Variants in PTGFRN observed in about 807,000 individuals in gnomAD.
The protein encoded by PTGFRN is prostaglandin F2 receptor inhibitor.
In PTGFRN, 35 loss-of-function variants were observed where a neutral mutation model predicts 83.2. The observed-to-expected ratio is 0.42, with a 90% CI of 0.32 to 0.56. PTGFRN has a LOEUF of 0.56. Among genes scored for constraint, PTGFRN ranks in the 20% least tolerant of loss-of-function variants. PTGFRN has a pLI of 0.11. For synonymous variants in PTGFRN, 519 were observed against 498.6 expected, an observed-to-expected ratio of 1.04 and a Z score of -0.55; for missense variants, 1,051 against 1,179.5, an observed-to-expected ratio of 0.89 and a Z score of 1.60.
At chr1:116,924,645 TCA>T (rs1455985832) in intron 1 of PTGFRN, among the ~76,000 whole-genome samples, 3 of 152,206 alleles carry the variant, frequency 2.0e-5, no homozygotes, top group Admixed American at 1.3e-4. Flanking sequence ...ACGCTGTGTG[TCA>T]CAGTTGCCCC....
intron 1 of PTGFRN, among the ~76,000 whole-genome samples, chr1:116,917,984 G>A (rs991209022): frequency 6.6e-6 from 1 of 152,118 alleles, no homozygotes; most frequent in African/African-American, 2.4e-5. Flanking sequence ...CTTCTGTGTT[G>A]ATTGGTGGAA....
At chr1:116,921,756 GTGTTTT>G (rs1324236532) in intron 1 of PTGFRN, among the ~76,000 whole-genome samples, 1 of 152,118 alleles carries the variant, frequency 6.6e-6, no homozygotes, top group Admixed American at 6.5e-5. Context: ...TGGATCATAG[GTGTTTT>G]TTAAAGGCTT....
intron 1 of PTGFRN, among the ~76,000 whole-genome samples, chr1:116,926,837 A>C (rs1649671142): frequency 1.3e-5 from 2 of 152,196 alleles, no homozygotes; most frequent in African/African-American, 4.8e-5. Context: ...GACCTTACAC[A>C]ATTATGGAAG....
At chr1:116,913,110 G>C (rs916328343) in intron 1 of PTGFRN, among the ~76,000 whole-genome samples, 1 of 152,222 alleles carries the variant, frequency 6.6e-6, no homozygotes, top group Admixed American at 6.5e-5. Context: ...CTCCCTGAGC[G>C]GCTGGTGGGT....
At chr1:116,964,194 T>C (rs1390066020) in intron 5 of PTGFRN, among the ~76,000 whole-genome samples, 1 of 152,248 alleles carries the variant, frequency 6.6e-6, no homozygotes, top group African/African-American at 2.4e-5. Flanking sequence ...TTGACGTATA[T>C]ATACTCAGTG....
chr1:116,940,793 A>G (rs1364110537), intron 1 of PTGFRN, among the ~76,000 whole-genome samples: 1 of 152,322 alleles, frequency 6.6e-6, no homozygotes, highest in Non-Finnish European at 1.5e-5. Flanking sequence ...TGTTATTGCA[A>G]GAACATCACA....
chr1:116,912,128 A>G (rs573407647), intron 1 of PTGFRN, among the ~76,000 whole-genome samples: 4 of 152,314 alleles, frequency 2.6e-5, no homozygotes, highest in Admixed American at 2.6e-4. Flanking sequence ...GGGCAAAGAG[A>G]GACTGACAAA....
In PTGFRN at chr1:116,927,957, A is replaced by G. The variant is rs1042281092; in HGVS notation, c.50-13758A>G. ...GTTTGATTTGGAGAACATGCGTATGAAGGCTGAAAGAAGATTTCCAGATAT... is the reference window on the plus strand; with the variant it reads ...GTTTGATTTGGAGAACATGCGTATGGAGGCTGAAAGAAGATTTCCAGATAT... On this transcript the variant is annotated intron_variant, in intron 1 of 8. Coordinates refer to ENST00000393203, the MANE Select transcript of PTGFRN (RefSeq NM_020440.4). Among the ~76,000 whole-genome samples, 9 of 152,316 alleles carry G rather than the reference A, an allele frequency of 5.9e-5. No individual in the cohort carries two copies. In the East Asian group the frequency reaches 1.7e-3, roughly 29 times the overall value.
chr1:116,974,657 C>T (rs534591393), intron 7 of PTGFRN, among the ~76,000 whole-genome samples: 50 of 152,248 alleles, frequency 3.3e-4, no homozygotes, highest in African/African-American at 1.1e-3. Context: ...TTTATTCATT[C>T]AGATATTTAT....
intron 1 of PTGFRN, among the ~76,000 whole-genome samples, chr1:116,930,823 C>T (rs769406410): frequency 6.6e-6 from 1 of 152,166 alleles, no homozygotes; most frequent in Non-Finnish European, 1.5e-5. Flanking sequence ...GCCTGTGTCC[C>T]CCGTGGCCCC....
At position 116,953,464 on chromosome 1, in the gene PTGFRN, G is replaced by T. The variant is rs1396683894; in HGVS notation, c.1213+3892G>T. On this transcript the variant is annotated intron_variant, in intron 4 of 8. Transcript: ENST00000393203. The stretch of plus-strand genomic sequence containing the variant: ...GTCCTCCTTCTAGGTATGTTGCCTC[G>T]GGTGTGTCGATGAACATTTCCAAGT... Among the ~76,000 whole-genome samples the T allele has an allele frequency of 3.9e-5, 6 of 152,194 alleles. No homozygotes were observed. In the South Asian group the frequency reaches 6.2e-4, roughly 16 times the overall value.
chr1:116,910,225 C>G lies in PTGFRN; in HGVS notation c.22C>G (p.Pro8Ala). Residue 8 changes from proline (P) to alanine (A), a missense_variant, in exon 1 of 9, where the codon CCG (proline) becomes GCG (alanine). This residue lies in a region of PTGFRN where 127 missense variants were observed against 168.4 expected (regional missense o/e 0.75). Transcript: ENST00000393203. ...GAGCATGGGGCGCCTGGCCTCGAGG[C>G]CGCTGCTGCTGGCGCTCCTGTCGTT... MGRLASR[P>A]LLLALLSLAL... The G allele has an allele frequency of 6.9e-7, 1 of 1,457,290 alleles. No individual in the cohort carries two copies. Among genetic ancestry groups the G allele is most frequent in the Non-Finnish European group, 9.0e-7 (1 of 1,111,500 alleles). 90.3% of individuals were successfully genotyped at this position (1,457,290 alleles called of 1,614,324 possible).
intron 1 of PTGFRN, among the ~76,000 whole-genome samples, chr1:116,910,792 A>G (rs796325925): frequency 2.6e-4 from 40 of 152,248 alleles, no homozygotes; most frequent in African/African-American, 9.4e-4. Context: ...GAGCGTTACA[A>G]TGGAAATCGG....
At chr1:116,936,554 G>A (rs919433511) in intron 1 of PTGFRN, among the ~76,000 whole-genome samples, 2 of 152,250 alleles carry the variant, frequency 1.3e-5, no homozygotes, top group Non-Finnish European at 2.9e-5. Context: ...TCACAGAGGA[G>A]GTGGTGCTGC....
In PTGFRN at chr1:116,923,238, G is replaced by A. The variant is rs957552612; in HGVS notation, c.49+12986G>A. On this transcript the variant is annotated intron_variant, in intron 1 of 8. Coordinates refer to ENST00000393203, the MANE Select transcript of PTGFRN (RefSeq NM_020440.4). This position sits in a 1 kb window ranked among gnomAD's most constrained non-coding sequence, Gnocchi z 4.0. ...GTGCTTAGAAAAATGCCTATAAGGT[G>A]TGTATATTATATATATTTAAAATTG... Among the ~76,000 whole-genome samples the A allele has an allele frequency of 2.1e-4, 32 of 152,336 alleles. No individual in the cohort carries two copies. The highest frequency in any genetic ancestry group is 7.5e-4 in the African/African-American group (31 of 41,580).
At chr1:116,913,509 A>G (rs965888203) in intron 1 of PTGFRN, among the ~76,000 whole-genome samples, 1 of 152,060 alleles carries the variant, frequency 6.6e-6, no homozygotes, top group Non-Finnish European at 1.5e-5. Context: ...ATGCTGTGCT[A>G]AGGAGTCTGG....
chr1:116,951,198 G>C (rs555010145), intron 4 of PTGFRN, among the ~76,000 whole-genome samples: 9 of 152,176 alleles, frequency 5.9e-5, no homozygotes, highest in Admixed American at 1.3e-4. Flanking sequence ...CGGCATACCC[G>C]GGGGGAGATG....
chr1:116,964,230 C>T (rs190138434), intron 5 of PTGFRN, among the ~76,000 whole-genome samples: 2,099 of 152,248 alleles, frequency 0.014, 55 homozygotes, highest in African/African-American at 0.048. Flanking sequence ...CTTCCATTCT[C>T]TCTGGTACCT....
At chr1:116,946,481 T>G (rs551960567) in intron 3 of PTGFRN, among the ~76,000 whole-genome samples, 1 of 152,332 alleles carries the variant, frequency 6.6e-6, no homozygotes, top group Non-Finnish European at 1.5e-5. Context: ...GATATTAAAC[T>G]TGCATCAAAC....
Sources: gnomAD v4.1 joint callset for allele counts (sites outside exome capture counted in the v4.1 genomes callset) on GRCh38, gnomAD v4.1.1 for gene constraint, gnomAD v4.1.1 regional missense constraint, Gnocchi (gnomAD v3.1) non-coding constraint, MANE v1.5 for transcripts, NCBI Gene and HGNC (gene_info 2026-07-23, HGNC 2026-07-21) for gene names.